ADCY1: variants seen among roughly 807,000 people sequenced by gnomAD.
ADCY1 encodes adenylate cyclase type 1.
Under a neutral mutation model 105.4 loss-of-function variants are expected in ADCY1, and 28 were observed. The observed-to-expected ratio is 0.27, with a 90% CI of 0.20 to 0.36. The LOEUF (loss-of-function observed/expected upper bound fraction) is 0.36, where lower values mean the gene tolerates loss of function less well. ADCY1 is among the 10% of genes least tolerant of loss of function. The pLI, the probability that ADCY1 is intolerant of heterozygous loss-of-function variation, is 1.00. For missense variants in ADCY1, 977 were observed against 1,434.2 expected (o/e 0.68, Z 5.15); for synonymous variants, 655 against 623.8 (o/e 1.05, Z -0.75).
At chr7:45,590,844 A>C (rs1196402878) in intron 1 of ADCY1, among the ~76,000 whole-genome samples, 1 of 152,116 alleles carries the variant, frequency 6.6e-6, no homozygotes, top group African/African-American at 2.4e-5. Flanking sequence ...GGTGCTGTCC[A>C]GCAGGGGCAA....
In ADCY1 at chr7:45,722,700, AG is replaced by A. The variant is rs1019687010; in HGVS notation, c.*8706del. The A allele has an allele frequency of 4.7e-4, 72 of 152,642 alleles. No homozygotes were observed. Among genetic ancestry groups the A allele is most frequent in the African/African-American group, 1.7e-3 (71 of 41,556 alleles). 9.5% of individuals were successfully genotyped at this position (152,642 alleles called of 1,614,324 possible). On this transcript the variant is annotated 3_prime_UTR_variant, in exon 20 of 20. Transcript: ENST00000297323. ...CGCCTGCGTTCTTCTGGGTTTGGCT[AG>A]ATAGGGTTGTGTCCCTCTATGGAAT...
At chr7:45,621,947 A>G (rs1793903511) in intron 3 of ADCY1, among the ~76,000 whole-genome samples, 1 of 152,216 alleles carries the variant, frequency 6.6e-6, no homozygotes, top group Non-Finnish European at 1.5e-5. Flanking sequence ...AGAGATAGGA[A>G]ACATCTTTTT....
intron 4 of ADCY1, among the ~76,000 whole-genome samples, chr7:45,645,786 C>T (rs570385234): frequency 6.6e-6 from 1 of 152,262 alleles, no homozygotes; most frequent in East Asian, 1.9e-4. Context: ...CCTTGACGTC[C>T]AGAGCACAGG....
chr7:45,604,043 A>G (rs2115832615), intron 2 of ADCY1, among the ~76,000 whole-genome samples: 2 of 152,342 alleles, frequency 1.3e-5, no homozygotes, highest in East Asian at 3.9e-4. Flanking sequence ...GTGTGAACAT[A>G]GGTACTAATT....
chr7:45,602,564 C>A (rs766746939), intron 2 of ADCY1, among the ~76,000 whole-genome samples: 1 of 152,180 alleles, frequency 6.6e-6, no homozygotes, highest in Admixed American at 6.5e-5. Context: ...GAGTTCTCAT[C>A]ATGTGAAGAA....
chr7:45,648,807 C>T lies in ADCY1; in HGVS notation c.1148+10C>T. The T allele has an allele frequency of 1.2e-6, 2 of 1,613,206 alleles. No individual in the cohort carries two copies. Among genetic ancestry groups the T allele is most frequent in the Non-Finnish European group, 1.7e-6 (2 of 1,179,332 alleles). ...TGATTGATACCATCACGTAAGTACCCCGTGGGGCTGAGAGGAGTGGCCTGG... is the reference window on the plus strand; with the variant it reads ...TGATTGATACCATCACGTAAGTACCTCGTGGGGCTGAGAGGAGTGGCCTGG... On this transcript the variant is annotated intron_variant, in intron 5 of 19. Transcript: ENST00000297323.
intron 1 of ADCY1, among the ~76,000 whole-genome samples, chr7:45,589,547 C>G (rs765918389): frequency 2.6e-5 from 4 of 152,170 alleles, no homozygotes; most frequent in Non-Finnish European, 5.9e-5. Context: ...GCCGTGAGTT[C>G]AGAGAGCTTC....
chr7:45,592,769 A>T lies in ADCY1; in HGVS notation c.650A>T (p.Asn217Ile), dbSNP rs771064234. The change falls in exon 2 of 20, where the codon AAT (asparagine) becomes ATT (isoleucine). Residue 217 changes from asparagine to isoleucine, a missense_variant. Transcript: ENST00000297323. ...CTTCTCTCCCTGCAGCTCGGTGCCA[A>T]TGCCTTGCTCTTCGTCGGTGTGAAC... is the stretch of plus-strand genomic sequence containing the variant. ...RPRLWRTLGANALLFVGVNMY... is the reference protein window; with the variant it reads ...RPRLWRTLGAIALLFVGVNMY... The T allele has an allele frequency of 6.2e-7, 1 of 1,614,170 alleles. No homozygotes were observed.
Position 45,703,581 on chromosome 7 carries a change from C to T in ADCY1, c.2572-19C>T. 6.2e-7 allele frequency: 1 copy of T among 1,611,568 alleles called. No homozygotes were observed. Among genetic ancestry groups the T allele is most frequent in the Non-Finnish European group, 8.5e-7 (1 of 1,178,358 alleles). On this transcript the variant is annotated intron_variant, in intron 15 of 19. Coordinates refer to ENST00000297323, the MANE Select transcript of ADCY1 (RefSeq NM_021116.4). This position sits in a 1 kb window ranked among gnomAD's most constrained non-coding sequence, Gnocchi z 5.9. ...GCTCACCTGGCTGACCCTTCCTGAC[C>T]CATCCTTTGAACTTCCAGGACCTCT...
chr7:45,704,550 G>C lies in ADCY1; in HGVS notation c.2751G>C (p.Glu917Asp), dbSNP rs1423629293. The change falls in exon 17 of 20, where the codon GAG becomes GAC. Residue 917 changes from glutamate to aspartate, a missense_variant. Coordinates refer to ENST00000297323, the MANE Select transcript of ADCY1 (RefSeq NM_021116.4). ...LMEKDFYKDI[E>D]KIKTIGSTYM... Reference sequence around the variant, plus strand: ...AAAAAGACTTTTACAAGGACATAGAGAAGATCAAGACCATCGGGAGCACCT... The same window carrying C: ...AAAAAGACTTTTACAAGGACATAGACAAGATCAAGACCATCGGGAGCACCT... 2 of 1,614,102 alleles carry C rather than the reference G, an allele frequency of 1.2e-6. No individual in the cohort carries two copies. The highest frequency in any genetic ancestry group is 1.7e-6 in the Non-Finnish European group (2 of 1,180,034).
chr7:45,576,502 GGAGGAAGA>G (rs1042094310), intron 1 of ADCY1, among the ~76,000 whole-genome samples: 1 of 152,130 alleles, frequency 6.6e-6, no homozygotes, highest in Non-Finnish European at 1.5e-5. Context: ...AGAGGGCGTC[GGAGGAAGA>G]GAGGAAGAGA....
intron 8 of ADCY1, among the ~76,000 whole-genome samples, chr7:45,672,812 T>C (rs1784389897): frequency 1.3e-5 from 2 of 152,154 alleles, no homozygotes; most frequent in African/African-American, 4.8e-5. Flanking sequence ...TTTTCTTGCC[T>C]TATTGCACTG....
At chr7:45,678,103 C>T (rs1230153931) in intron 9 of ADCY1, 40 bp downstream of exon 9, 16 of 1,613,488 alleles carry the variant, frequency 9.9e-6, no homozygotes, top group Middle Eastern at 1.6e-4. Flanking sequence ...GTGCTGCTTG[C>T]GAAGGCGCTG....
intron 19 of ADCY1, among the ~76,000 whole-genome samples, chr7:45,711,814 C>T (rs1785244625): frequency 1.3e-5 from 1 of 76,064 alleles, no homozygotes; most frequent in African/African-American, 4.1e-5. Flanking sequence ...TACTTTTTTA[C>T]AATGTACTTT....
intron 6 of ADCY1, among the ~76,000 whole-genome samples, chr7:45,659,747 C>T (rs919172807): frequency 2.0e-5 from 3 of 150,794 alleles, no homozygotes; most frequent in African/African-American, 7.3e-5. Context: ...CTAATGAGTC[C>T]TGATGTATTC....
chr7:45,714,283 G>C lies in ADCY1; in HGVS notation c.*288G>C. ...TTCCCTCCGTGGCGTAGGGAGCACT[G>C]TTTCTTTCCAGCAAGCCTGTTCAGG... On this transcript the variant is annotated 3_prime_UTR_variant, in exon 20 of 20. Transcript: ENST00000297323. 2.2e-6 allele frequency: 1 copy of C among 457,690 alleles called. No individual in the cohort carries two copies. 28.4% of individuals were successfully genotyped at this position (457,690 alleles called of 1,614,324 possible). A position where few individuals can be genotyped will look rare whatever the true frequency, so the allele number is the denominator to read the frequency against.
intron 8 of ADCY1, among the ~76,000 whole-genome samples, chr7:45,671,365 A>C (rs1784363062): frequency 6.6e-6 from 1 of 152,240 alleles, no homozygotes; most frequent in Admixed American, 6.5e-5. Flanking sequence ...CCAGTATTTA[A>C]CTTTTACAAA....
intron 8 of ADCY1, among the ~76,000 whole-genome samples, chr7:45,668,200 T>G (rs1784299990): frequency 6.6e-6 from 1 of 152,236 alleles, no homozygotes; most frequent in Non-Finnish European, 1.5e-5. Flanking sequence ...CATCCCTGTC[T>G]TGTGCCAGTT....
intron 4 of ADCY1, among the ~76,000 whole-genome samples, chr7:45,642,354 A>T (rs1041491317): frequency 1.3e-5 from 2 of 152,162 alleles, no homozygotes; most frequent in Admixed American, 1.3e-4. Flanking sequence ...CAGGTAGGTG[A>T]GAATTAGATT....
Sources: gnomAD v4.1 joint callset for allele counts (sites outside exome capture counted in the v4.1 genomes callset) on GRCh38, gnomAD v4.1.1 for gene constraint, Gnocchi (gnomAD v3.1) non-coding constraint, MANE v1.5 for transcripts, NCBI Gene and HGNC (gene_info 2026-07-23, HGNC 2026-07-21) for gene names.